The following CREB5 variants were observed in gnomAD, a reference collection of about 807,000 sequenced individuals.
The protein encoded by CREB5 is cyclic AMP-responsive element-binding protein 5.
CREB5 carries 19 observed loss-of-function variants against 57.1 expected under a neutral mutation model. That is an observed-to-expected ratio of 0.33 (90% CI 0.23 to 0.49). CREB5 has a LOEUF of 0.49. Ranked by LOEUF, CREB5 falls within the 20% of genes least tolerant of loss-of-function variation. The pLI is 0.99. For synonymous variants in CREB5, 238 were observed against 238.3 expected (o/e 1.00, Z 0.01); for missense variants, 579 against 671.6 (o/e 0.86, Z 1.52).
chr7:28,348,383 GTCTCTCTCTCTC>G (rs1349981151), intron 1 of CREB5, among the ~76,000 whole-genome samples: 1 of 65,970 alleles, frequency 1.5e-5, no homozygotes, highest in African/African-American at 4.8e-5. Flanking sequence ...CTCTCTCTCT[GTCTCTCTCTCTC>G]TGTCTCTCTC....
intron 1 of CREB5, among the ~76,000 whole-genome samples, chr7:28,387,759 A>G (rs1290603616): frequency 6.6e-6 from 1 of 152,140 alleles, no homozygotes; most frequent in Non-Finnish European, 1.5e-5. Flanking sequence ...TAATAAACCC[A>G]TGTAATAAAC....
At chr7:28,741,536 C>A (rs899403748) in intron 7 of CREB5, among the ~76,000 whole-genome samples, 2 of 152,122 alleles carry the variant, frequency 1.3e-5, no homozygotes, top group Non-Finnish European at 2.9e-5. Context: ...GTTTATCAGC[C>A]GAGATGTGTT....
intron 7 of CREB5, among the ~76,000 whole-genome samples, chr7:28,788,291 T>C (rs573762216): frequency 1.2e-4 from 18 of 152,260 alleles, no homozygotes; most frequent in African/African-American, 4.3e-4. Flanking sequence ...TCTCCAGATG[T>C]TGCCAAATGT....
intron 5 of CREB5, among the ~76,000 whole-genome samples, chr7:28,635,525 T>C (rs994879360): frequency 1.3e-5 from 2 of 152,200 alleles, no homozygotes; most frequent in African/African-American, 4.8e-5. Flanking sequence ...TCGATCATCA[T>C]GAGAAGGTTT....
chr7:28,694,474 C>T (rs1039761876), intron 5 of CREB5, among the ~76,000 whole-genome samples: 5 of 152,114 alleles, frequency 3.3e-5, no homozygotes, highest in Admixed American at 3.3e-4. Flanking sequence ...GTGTACAGGT[C>T]ACAGGGAACG....
intron 5 of CREB5, among the ~76,000 whole-genome samples, chr7:28,635,811 G>A (rs574213060): frequency 2.6e-5 from 4 of 152,154 alleles, no homozygotes; most frequent in African/African-American, 9.7e-5. Context: ...CCACATTTCA[G>A]ATTGGCATAT....
intron 1 of CREB5, among the ~76,000 whole-genome samples, chr7:28,320,703 C>T (rs1413654638): frequency 6.6e-6 from 1 of 152,208 alleles, no homozygotes; most frequent in Non-Finnish European, 1.5e-5. Flanking sequence ...TAAGCAAAGA[C>T]AGCATTTTAA....
chr7:28,787,010 C>T (rs1172153457), intron 7 of CREB5, among the ~76,000 whole-genome samples: 1 of 152,098 alleles, frequency 6.6e-6, no homozygotes, highest in African/African-American at 2.4e-5. Context: ...AGAGAAGTTC[C>T]CCAGCTGCCA....
chr7:28,701,052 C>T (rs1362193175), intron 5 of CREB5, among the ~76,000 whole-genome samples: 1 of 151,898 alleles, frequency 6.6e-6, no homozygotes, highest in African/African-American at 2.4e-5. Flanking sequence ...GGGCACCTGC[C>T]CAACTTGAGA....
chr7:28,569,534 G>A (rs1179064594), intron 4 of CREB5, among the ~76,000 whole-genome samples: 1 of 152,024 alleles, frequency 6.6e-6, no homozygotes, highest in Non-Finnish European at 1.5e-5. Context: ...ATGATATTAG[G>A]TCCTATAAGT....
intron 5 of CREB5, among the ~76,000 whole-genome samples, chr7:28,579,094 G>C (rs143606668): frequency 6.6e-6 from 1 of 152,286 alleles, no homozygotes; most frequent in African/African-American, 2.4e-5. Flanking sequence ...CTTTGAACAG[G>C]CTTCTTTACC....
chr7:28,654,436 A>G (rs1340470366), intron 5 of CREB5, among the ~76,000 whole-genome samples: 1 of 152,240 alleles, frequency 6.6e-6, no homozygotes, highest in African/African-American at 2.4e-5. Context: ...ATAATGATGT[A>G]TTACATATTG....
chr7:28,801,364 T>A (rs1808355072), intron 7 of CREB5, among the ~76,000 whole-genome samples: 1 of 152,196 alleles, frequency 6.6e-6, no homozygotes, highest in African/African-American at 2.4e-5. Context: ...ATACTTTCCA[T>A]CATGTCATTT....
intron 5 of CREB5, among the ~76,000 whole-genome samples, chr7:28,671,695 G>A (rs1800046741): frequency 6.6e-6 from 1 of 152,184 alleles, no homozygotes; most frequent in Admixed American, 6.5e-5. Flanking sequence ...AGGTGTGGTG[G>A]ATTAGAGTAT....
At chr7:28,395,688 A>G (rs1787320452) in intron 1 of CREB5, among the ~76,000 whole-genome samples, 1 of 152,192 alleles carries the variant, frequency 6.6e-6, no homozygotes. Context: ...TTTAATAAAG[A>G]TATAAAACCT....
intron 5 of CREB5, among the ~76,000 whole-genome samples, chr7:28,682,494 T>TA (rs1800644592): frequency 6.6e-6 from 1 of 152,242 alleles, no homozygotes; most frequent in Non-Finnish European, 1.5e-5. Context: ...CACTTTTTTC[T>TA]GAATAATTTT....
chr7:28,445,786 C>T (rs1353670917), intron 1 of CREB5, among the ~76,000 whole-genome samples: 23 of 151,650 alleles, frequency 1.5e-4, no homozygotes, highest in East Asian at 9.8e-4. Flanking sequence ...CTTCTGACCT[C>T]ATGATCCGCC....
intron 1 of CREB5, among the ~76,000 whole-genome samples, chr7:28,444,661 G>A (rs987310000): frequency 6.6e-6 from 1 of 152,180 alleles, no homozygotes; most frequent in African/African-American, 2.4e-5. Flanking sequence ...CTGTGTTCAT[G>A]GATTAGTATA....
chr7:28,410,342 G>C (rs1426309400), upstream of CREB5: 1 of 456,554 alleles, frequency 2.2e-6, no homozygotes, highest in Admixed American at 2.3e-5. Context: ...GCTCCGGCTC[G>C]AGCTTTGGCG....
Sources: allele counts gnomAD v4.1 joint callset (sites outside exome capture counted in the v4.1 genomes callset), GRCh38; gene constraint gnomAD v4.1.1; transcripts MANE v1.5; gene names NCBI Gene and HGNC (gene_info 2026-07-23, HGNC 2026-07-21).